The following SHROOM2 variants were observed in gnomAD, a reference collection of about 807,000 sequenced individuals.
The protein encoded by SHROOM2 is protein Shroom2.
In SHROOM2, 33 loss-of-function variants were observed where a neutral mutation model predicts 75.9. That is an observed-to-expected ratio of 0.43 (90% CI 0.33 to 0.58). The LOEUF (loss-of-function observed/expected upper bound fraction) is 0.58, where lower values mean the gene tolerates loss of function less well. SHROOM2 is among the 20% of genes least tolerant of loss of function. The pLI is 0.04. For synonymous variants in SHROOM2, 655 were observed against 663.6 expected (o/e 0.99, Z 0.20); for missense variants, 1,434 against 1,461.2 (o/e 0.98, Z 0.30).
At chrX:9,800,504 C>A (rs982220464) in intron 1 of SHROOM2, among the ~76,000 whole-genome samples, 7 of 108,845 alleles carry the variant, frequency 6.4e-5, no homozygotes, top group African/African-American at 2.3e-4. Flanking sequence ...CCATGCCTGG[C>A]AAATTTTTGT....
At chrX:9,879,526 G>A (rs2084220000) in intron 2 of SHROOM2, among the ~76,000 whole-genome samples, 1 of 112,510 alleles carries the variant, frequency 8.9e-6, no homozygotes, top group Non-Finnish European at 1.9e-5. Context: ...CTGCCAAAGT[G>A]CTGGGATTAC....
chrX:9,855,295 TAAAAAAAAAAAAAA>T (rs57235424), intron 1 of SHROOM2, among the ~76,000 whole-genome samples: 28 of 39,299 alleles, frequency 7.1e-4, no homozygotes, highest in African/African-American at 2.4e-3. Context: ...TAAAGTATAG[TAAAAAAAAAAAAAA>T]AAAAAAAAAA....
chrX:9,912,666 T>TGC (rs1273631568), intron 5 of SHROOM2: 2 of 111,812 alleles, frequency 1.8e-5, no homozygotes, highest in Non-Finnish European at 3.8e-5. Context: ...TCAGGACGCC[T>TGC]GCGCCGTTTG....
chrX:9,905,230 T>TG (rs1376508710), intron 5 of SHROOM2, among the ~76,000 whole-genome samples: 2 of 112,374 alleles, frequency 1.8e-5, no homozygotes, highest in East Asian at 5.6e-4. Context: ...GTTAGGTCCT[T>TG]GCAGTTAGTC....
At chrX:9,820,412 T>C (rs2083847612) in intron 1 of SHROOM2, among the ~76,000 whole-genome samples, 1 of 110,791 alleles carries the variant, frequency 9.0e-6, no homozygotes, top group Non-Finnish European at 1.9e-5. Flanking sequence ...TCACCCAGGC[T>C]GGAGTGCAGT....
chrX:9,917,502 T>TTTGTTG (rs35611302), intron 5 of SHROOM2, among the ~76,000 whole-genome samples: 852 of 84,219 alleles, frequency 0.01, 2 homozygotes, highest in African/African-American at 0.024. Flanking sequence ...ATTGTGGTTC[T>TTTGTTG]TTGTTGTTGT....
At chrX:9,789,972 T>TC (rs35901090) in intron 1 of SHROOM2, among the ~76,000 whole-genome samples, 1 of 109,971 alleles carries the variant, frequency 9.1e-6, no homozygotes, top group Admixed American at 9.7e-5. Context: ...CGCTTGGAGG[T>TC]CCCCCCCACC....
chrX:9,901,446 C>T (rs2084365157), intron 5 of SHROOM2, among the ~76,000 whole-genome samples: 1 of 112,113 alleles, frequency 8.9e-6, no homozygotes, highest in Admixed American at 9.5e-5. Flanking sequence ...TCATCCTACC[C>T]TTGAGCTGAT....
At chrX:9,819,983 T>G (rs1282130357) in intron 1 of SHROOM2, among the ~76,000 whole-genome samples, 2 of 108,525 alleles carry the variant, frequency 1.8e-5, no homozygotes, top group Non-Finnish European at 3.8e-5. Context: ...TTATTTTTAG[T>G]AGAGATGGGG....
At chrX:9,807,976 C>T (rs1399654895) in intron 1 of SHROOM2, among the ~76,000 whole-genome samples, 1 of 111,913 alleles carries the variant, frequency 8.9e-6, no homozygotes, top group Non-Finnish European at 1.9e-5. Flanking sequence ...GCCAGGCACA[C>T]CTGAGCACAT....
chrX:9,910,080 T>G (rs1263048997), intron 5 of SHROOM2, among the ~76,000 whole-genome samples: 2 of 110,407 alleles, frequency 1.8e-5, no homozygotes, highest in African/African-American at 6.6e-5. Flanking sequence ...ACCTGGGGGT[T>G]AGGTTTCAAC....
At position 9,848,913 on chromosome X, in the gene SHROOM2, C is replaced by T. The variant is rs188043382; in HGVS notation, c.166-24739C>T. Among the ~76,000 whole-genome samples, 8 of 111,432 alleles carry T rather than the reference C, an allele frequency of 7.2e-5. No individual in the cohort carries two copies. In the East Asian group the frequency reaches 1.7e-3, roughly 24 times the overall value. On this transcript the variant is annotated intron_variant, in intron 1 of 9. Transcript: ENST00000380913. ...TGGGATGCCTGGATTCCCTTCCATT[C>T]ATCCACTTTGTTCACCTAAAGGGCC...
intron 6 of SHROOM2, 113 bp from the exon 7 acceptor site, chrX:9,937,020 CT>C: frequency 3.9e-6 from 3 of 777,575 alleles, no homozygotes; most frequent in Non-Finnish European, 5.5e-6. Flanking sequence ...AGTTGGGTGG[CT>C]GGCTAGTGCC....
At chrX:9,791,016 G>C (rs2083644928) in intron 1 of SHROOM2, among the ~76,000 whole-genome samples, 1 of 110,797 alleles carries the variant, frequency 9.0e-6, no homozygotes, top group African/African-American at 3.3e-5. Flanking sequence ...TGAATCCAGA[G>C]CCTTCTGCGA....
chrX:9,881,710 C>T (rs761828695), intron 2 of SHROOM2, among the ~76,000 whole-genome samples: 3 of 112,439 alleles, frequency 2.7e-5, no homozygotes, highest in South Asian at 7.3e-4. Context: ...CAGAGGAATT[C>T]GTGGACCTTC....
rs186956153 is a variant in SHROOM2 at position 9,842,660 on chromosome X, A to G, written c.166-30992A>G. On this transcript the variant is annotated intron_variant, in intron 1 of 9. Coordinates refer to ENST00000380913, the MANE Select transcript of SHROOM2 (RefSeq NM_001649.4). ...ATTCCCCCTCTTCCTCTCCCACCAC[A>G]AGAAAGGCTGCTGTGGGGAGCCGGT... Among the ~76,000 whole-genome samples, 53 of 112,583 alleles carry G rather than the reference A, an allele frequency of 4.7e-4. No individual in the cohort carries two copies. In the East Asian group the frequency reaches 0.011, roughly 24 times the overall value.
At chrX:9,936,259 G>A (rs181278356) in intron 6 of SHROOM2, among the ~76,000 whole-genome samples, 49 of 109,505 alleles carry the variant, frequency 4.5e-4, no homozygotes, top group African/African-American at 1.3e-3. Context: ...TTACAGGTGC[G>A]CACCACCACA....
rs150231382 is a variant in SHROOM2 at position 9,891,092 on chromosome X, G to A, written c.433G>A (p.Gly145Ser). The change falls in exon 3 of 10, where the codon GGC becomes AGC. Residue 145 changes from glycine (G) to serine (S), a missense_variant. Around this residue, in one of 3 missense-constraint regions of SHROOM2, gnomAD observed 1,340 missense variants for 1,338.3 expected, o/e 1.00. Transcript: ENST00000380913. ...CACCAGCGGCTGTCCTTCCTGGTCC[G>A]GCCGACACCACGCGAGGTAGGCACC... ...TSTSGCPSWS[G>S]RHHASSSSHD... 6.4e-5 allele frequency: 77 copies of A among 1,204,915 alleles called. 1 individual carries two copies. In the East Asian group the frequency reaches 9.8e-4, roughly 15 times the overall value.
chrX:9,894,944 G>T lies in SHROOM2; in HGVS notation c.1036G>T (p.Ala346Ser). Reference protein sequence around the residue: ...QGPVFSEAAAAQHFTALAQAQ... With the variant: ...QGPVFSEAAASQHFTALAQAQ... Reference sequence around the variant, plus strand: ...CCCTGTGTTCTCAGAGGCGGCTGCGGCACAGCACTTTACGGCCCTGGCCCA... The same window carrying T: ...CCCTGTGTTCTCAGAGGCGGCTGCGTCACAGCACTTTACGGCCCTGGCCCA... The change falls in exon 4 of 10, where the codon GCA becomes TCA. Residue 346 changes from alanine to serine, a missense_variant. Transcript: ENST00000380913. 8.3e-7 allele frequency: 1 copy of T among 1,210,946 alleles called. No individual in the cohort carries two copies. The highest frequency in any genetic ancestry group is 1.7e-5 in the African/African-American group (1 of 57,894).
Sources: gnomAD v4.1 joint callset for allele counts (sites outside exome capture counted in the v4.1 genomes callset) on GRCh38, gnomAD v4.1.1 for gene constraint, gnomAD v4.1.1 regional missense constraint, MANE v1.5 for transcripts, NCBI Gene and HGNC (gene_info 2026-07-23, HGNC 2026-07-21) for gene names.